PCDH15: variants seen among roughly 807,000 people sequenced by gnomAD.
PCDH15 encodes protocadherin-15.
In PCDH15, 129 loss-of-function variants were observed where a neutral mutation model predicts 178.5. The observed-to-expected ratio is 0.72, with a 90% CI of 0.63 to 0.84. PCDH15 has a LOEUF of 0.84. Among genes scored for constraint, PCDH15 ranks in the 40% least tolerant of loss-of-function variants. The pLI, the probability that PCDH15 is intolerant of heterozygous loss-of-function variation, is 0.00. For synonymous variants in PCDH15, 800 were observed against 732.0 expected (o/e 1.09, Z -1.50); for missense variants, 2,230 against 2,099.9 (o/e 1.06, Z -1.21).
chr10:54,231,124 G>A (rs1414434756), intron 9 of PCDH15, among the ~76,000 whole-genome samples: 1 of 152,190 alleles, frequency 6.6e-6, no homozygotes, highest in African/African-American at 2.4e-5. Context: ...TTCATGGCAG[G>A]TTTCTCCACC....
At chr10:54,436,606 A>G (rs914430165) in intron 3 of PCDH15, among the ~76,000 whole-genome samples, 30 of 150,704 alleles carry the variant, frequency 2.0e-4, no homozygotes, top group Non-Finnish European at 2.5e-4. Context: ...AAATTTGTTC[A>G]TTTAATTGAT....
At chr10:54,915,133 A>G (rs1458773595) in intron 2 of PCDH15, among the ~76,000 whole-genome samples, 5 of 152,204 alleles carry the variant, frequency 3.3e-5, no homozygotes, top group Non-Finnish European at 5.9e-5. Flanking sequence ...CTATGTACAT[A>G]AAAGAACGAT....
At chr10:54,001,236 T>C (rs968682549) in intron 20 of PCDH15, among the ~76,000 whole-genome samples, 2 of 152,144 alleles carry the variant, frequency 1.3e-5, no homozygotes, top group Non-Finnish European at 2.9e-5. Flanking sequence ...TAAGAAATCA[T>C]CTGAAGATAC....
intron 3 of PCDH15, among the ~76,000 whole-genome samples, chr10:54,506,898 T>C (rs1436378905): frequency 6.6e-6 from 1 of 152,052 alleles, no homozygotes; most frequent in African/African-American, 2.4e-5. Flanking sequence ...TATGTATTCA[T>C]AAATTCAGGA....
chr10:54,181,352 A>T (rs1254181592), intron 13 of PCDH15, among the ~76,000 whole-genome samples: 1 of 152,090 alleles, frequency 6.6e-6, no homozygotes, highest in Non-Finnish European at 1.5e-5. Context: ...TCAAATAAGC[A>T]TTTATTAAGT....
In PCDH15 at chr10:53,827,501, GGTAATGCGGCCT is replaced by G. The variant is rs1296979751; in HGVS notation, c.4247_4258del (p.Gln1416_Leu1419del). On this transcript the variant is annotated inframe_deletion, in exon 32 of 38. Coordinates refer to ENST00000644397, the MANE Select transcript of PCDH15 (RefSeq NM_001384140.1). Reference sequence around the variant, plus strand: ...AGCCGGCACTGCTGGTTTAGCCGCGGGTAATGCGGCCTGAATTCGTGCAGTCTTTGTACACTC... The same window carrying G: ...AGCCGGCACTGCTGGTTTAGCCGCGGGAATTCGTGCAGTCTTTGTACACTC... 10 of 1,614,098 alleles carry G rather than the reference GGTAATGCGGCCT, an allele frequency of 6.2e-6. No homozygotes were observed. Among genetic ancestry groups the G allele is most frequent in the Non-Finnish European group, 8.5e-6 (10 of 1,179,972 alleles).
At chr10:53,876,947 T>C (rs2080291815) in intron 26 of PCDH15, among the ~76,000 whole-genome samples, 1 of 152,090 alleles carries the variant, frequency 6.6e-6, no homozygotes, top group Non-Finnish European at 1.5e-5. Context: ...GGTTAGAATT[T>C]ATCAAAATTT....
chr10:55,464,859 A>C (rs1839798127), intron 2 of PCDH15, among the ~76,000 whole-genome samples: 1 of 150,270 alleles, frequency 6.7e-6, no homozygotes, highest in Non-Finnish European at 1.5e-5. Flanking sequence ...TATTTTCACA[A>C]TTTACAAATT....
chr10:55,626,589 A>G (rs1337768032), intron 2 of PCDH15, among the ~76,000 whole-genome samples: 2 of 152,152 alleles, frequency 1.3e-5, no homozygotes, highest in Non-Finnish European at 2.9e-5. Context: ...CTATGAATCC[A>G]TATGCTTGCC....
chr10:54,600,174 G>A, intron 2 of PCDH15: 2 of 666,344 alleles, frequency 3.0e-6, no homozygotes, highest in Non-Finnish European at 5.5e-6. Flanking sequence ...CCATGGAGGA[G>A]GCAGTCACCA....
At chr10:55,161,983 C>A (rs957286703) in intron 2 of PCDH15, among the ~76,000 whole-genome samples, 1 of 151,974 alleles carries the variant, frequency 6.6e-6, no homozygotes, top group Non-Finnish European at 1.5e-5. Context: ...TACTTAAGCT[C>A]CCTTCAGATA....
intron 13 of PCDH15, among the ~76,000 whole-genome samples, chr10:54,163,096 C>T (rs2045880198): frequency 6.6e-6 from 1 of 152,106 alleles, no homozygotes; most frequent in African/African-American, 2.4e-5. Context: ...GATCCTTTTG[C>T]ACACTCAGGT....
intron 1 of PCDH15, among the ~76,000 whole-genome samples, chr10:55,318,320 C>T (rs1345151679): frequency 6.6e-6 from 1 of 151,920 alleles, no homozygotes; most frequent in Non-Finnish European, 1.5e-5. Context: ...ATCTGAATAA[C>T]TGGAAATAAT....
intron 2 of PCDH15, among the ~76,000 whole-genome samples, chr10:55,378,825 C>A (rs1837459635): frequency 6.6e-6 from 1 of 151,524 alleles, no homozygotes; most frequent in Admixed American, 6.6e-5. Context: ...TTTTCTCACT[C>A]TCTTTTCTCT....
intron 8 of PCDH15, among the ~76,000 whole-genome samples, chr10:54,278,182 A>G (rs1380001365): frequency 2.6e-5 from 4 of 151,556 alleles, no homozygotes; most frequent in African/African-American, 7.3e-5. Flanking sequence ...GAGTCCCCAC[A>G]ATAGGTCGAT....
At chr10:55,340,124 A>C (rs2131952564) in intron 2 of PCDH15, among the ~76,000 whole-genome samples, 1 of 151,586 alleles carries the variant, frequency 6.6e-6, no homozygotes, top group African/African-American at 2.4e-5. Context: ...TCTACAAAAT[A>C]TACATATAGA....
At chr10:54,795,065 A>C (rs1951821941) in intron 1 of PCDH15, among the ~76,000 whole-genome samples, 1 of 151,816 alleles carries the variant, frequency 6.6e-6, no homozygotes, top group Admixed American at 6.6e-5. Context: ...TACAAACCAT[A>C]CACATTCTTT....
Position 55,210,642 on chromosome 10 carries a change from T to TTTC in PCDH15, c.-155-43992_-155-43991insGAA, listed in dbSNP as rs2041126702. Among the ~76,000 whole-genome samples, 17 of 135,132 alleles carry TTTC rather than the reference T, an allele frequency of 1.3e-4. No individual in the cohort carries two copies. In the South Asian group the frequency reaches 2.9e-3, roughly 23 times the overall value. The allele number at this position is 135,132 out of a possible 152,430, so 88.7% of individuals were successfully genotyped here. ...TCTTTTTTTTTTTTTTTTTTTTTTT[T>TTTC]TTTTTTTGACGGAATCTCGCTCTGT... On this transcript the variant is annotated intron_variant, in intron 1 of 5. Coordinates refer to the PCDH15 transcript ENST00000458638.
At chr10:55,444,293 A>AG (rs1192778491) in intron 2 of PCDH15, among the ~76,000 whole-genome samples, 1 of 151,450 alleles carries the variant, frequency 6.6e-6, no homozygotes. Flanking sequence ...TTAAAAAAAA[A>AG]AAAGAAAACA....
Sources: allele counts gnomAD v4.1 joint callset (sites outside exome capture counted in the v4.1 genomes callset), GRCh38; gene constraint gnomAD v4.1.1; transcripts MANE v1.5; gene names NCBI Gene and HGNC (gene_info 2026-07-23, HGNC 2026-07-21).